The following PPFIA2 variants were observed in gnomAD, a reference collection of about 807,000 sequenced individuals.
The protein encoded by PPFIA2 is PPFI scaffold protein A2, also known as liprin-alpha-2.
A neutral mutation model predicts 175.5 loss-of-function variants in PPFIA2; 46 were observed. The ratio of observed to expected loss-of-function variants is 0.26; its 90% CI spans 0.21 to 0.34. The LOEUF is 0.34. Among genes scored for constraint, PPFIA2 ranks in the 10% least tolerant of loss-of-function variants. The probability of loss-of-function intolerance (pLI) is 1.00; values close to 1 mark genes in which losing one functional copy is unlikely to be tolerated. For missense variants in PPFIA2, 1,179 were observed against 1,506.1 expected (o/e 0.78, Z 3.60); for synonymous variants, 568 against 511.4 (o/e 1.11, Z -1.49).
intron 22 of PPFIA2, among the ~76,000 whole-genome samples, chr12:81,309,978 A>G (rs1423747405): frequency 6.6e-6 from 1 of 152,058 alleles, no homozygotes; most frequent in Non-Finnish European, 1.5e-5. Flanking sequence ...TTTGCAAGAC[A>G]CCATAGTCTG....
At chr12:81,288,097 G>T (rs1296963205) in intron 24 of PPFIA2, among the ~76,000 whole-genome samples, 12 of 151,840 alleles carry the variant, frequency 7.9e-5, no homozygotes, top group Admixed American at 7.9e-4. Context: ...AGGGGCTTGA[G>T]TTATACAGTA....
At chr12:81,658,732 G>A (rs114574312) in intron 4 of PPFIA2, among the ~76,000 whole-genome samples, 1,816 of 151,736 alleles carry the variant, frequency 0.012, 41 homozygotes, top group African/African-American at 0.041. Flanking sequence ...ATATGTTTAA[G>A]GGTTGTATAT....
chr12:81,514,382 T>C (rs1371019375), intron 4 of PPFIA2, among the ~76,000 whole-genome samples: 1 of 152,098 alleles, frequency 6.6e-6, no homozygotes, highest in Non-Finnish European at 1.5e-5. Context: ...TCTATCATAG[T>C]GCAATTCACA....
intron 3 of PPFIA2, among the ~76,000 whole-genome samples, chr12:81,695,010 G>C (rs961539297): frequency 6.6e-6 from 1 of 152,130 alleles, no homozygotes; most frequent in East Asian, 1.9e-4. Flanking sequence ...CCTTATTGGA[G>C]TATGTTTGCC....
At chr12:81,282,331 A>T (rs1271513151) in intron 26 of PPFIA2, among the ~76,000 whole-genome samples, 6 of 152,032 alleles carry the variant, frequency 3.9e-5, no homozygotes, top group Non-Finnish European at 8.8e-5. Flanking sequence ...TGAAATTTTT[A>T]TCAAAATCAA....
chr12:81,322,995 G>A (rs1280560445), intron 22 of PPFIA2, among the ~76,000 whole-genome samples: 41 of 152,174 alleles, frequency 2.7e-4, no homozygotes, highest in Admixed American at 2.7e-3. Context: ...TGGATGGTAA[G>A]TGTGCCTCAA....
chr12:81,572,894 G>A (rs911844646), intron 4 of PPFIA2, among the ~76,000 whole-genome samples: 2 of 151,868 alleles, frequency 1.3e-5, no homozygotes, highest in African/African-American at 4.8e-5. Flanking sequence ...AAGGACATAT[G>A]GATCAACTTG....
chr12:81,288,165 G>A (rs1442403233), intron 24 of PPFIA2, among the ~76,000 whole-genome samples: 1 of 151,816 alleles, frequency 6.6e-6, no homozygotes, highest in African/African-American at 2.4e-5. Context: ...TTCAGGTTCT[G>A]CACTTCTTAA....
intron 8 of PPFIA2, among the ~76,000 whole-genome samples, chr12:81,398,012 A>G (rs2041458877): frequency 6.6e-6 from 1 of 151,950 alleles, no homozygotes; most frequent in Non-Finnish European, 1.5e-5. Flanking sequence ...CACTGATTCT[A>G]CATTATGGTG....
intron 4 of PPFIA2, among the ~76,000 whole-genome samples, chr12:81,599,065 A>T (rs2059540453): frequency 6.6e-6 from 1 of 151,980 alleles, no homozygotes. Context: ...TTCTTTTTGT[A>T]TATCTTTAAC....
intron 3 of PPFIA2, among the ~76,000 whole-genome samples, chr12:81,749,445 G>T (rs1279858628): frequency 7.0e-6 from 1 of 143,624 alleles, no homozygotes; most frequent in African/African-American, 2.4e-5. Context: ...AAAAGGTGAT[G>T]AAAACAAATT....
At chr12:81,591,819 G>T (rs1291949821) in intron 4 of PPFIA2, among the ~76,000 whole-genome samples, 1 of 152,132 alleles carries the variant, frequency 6.6e-6, no homozygotes, top group Non-Finnish European at 1.5e-5. Context: ...CAGGGGTGGG[G>T]TCCTCATGGA....
At chr12:81,292,947 G>C (rs1297611730) in intron 24 of PPFIA2, 1 of 151,686 alleles carries the variant, frequency 6.6e-6, no homozygotes, top group Non-Finnish European at 1.5e-5. Flanking sequence ...AATTATATAA[G>C]CCTTTTAAAT....
chr12:81,673,143 C>A (rs913723517), intron 4 of PPFIA2, among the ~76,000 whole-genome samples: 1 of 151,996 alleles, frequency 6.6e-6, no homozygotes, highest in African/African-American at 2.4e-5. Flanking sequence ...CAGGGGTTGT[C>A]TTAAAAATTA....
intron 3 of PPFIA2, among the ~76,000 whole-genome samples, chr12:81,706,873 T>A (rs1197131840): frequency 6.6e-6 from 1 of 152,144 alleles, no homozygotes; most frequent in African/African-American, 2.4e-5. Context: ...ACCGCATATC[T>A]ACAACTATCT....
intron 4 of PPFIA2, among the ~76,000 whole-genome samples, chr12:81,518,551 C>A (rs766418120): frequency 8.6e-5 from 13 of 152,010 alleles, no homozygotes; most frequent in Non-Finnish European, 1.6e-4. Context: ...CTTACTGACA[C>A]CTTCACCTTT....
At chr12:81,585,204 G>A (rs2075139325) in intron 4 of PPFIA2, among the ~76,000 whole-genome samples, 1 of 149,660 alleles carries the variant, frequency 6.7e-6, no homozygotes, top group Non-Finnish European at 1.5e-5. Context: ...GTGAATTGGT[G>A]AGTGAGTGGT....
At chr12:81,281,671 T>C (rs1178936718) in intron 26 of PPFIA2, among the ~76,000 whole-genome samples, 2 of 152,252 alleles carry the variant, frequency 1.3e-5, no homozygotes, top group Non-Finnish European at 2.9e-5. Flanking sequence ...ATTTACTTTG[T>C]ATTCTCAAAA....
intron 4 of PPFIA2, among the ~76,000 whole-genome samples, chr12:81,509,338 A>G (rs1225283984): frequency 6.6e-6 from 1 of 152,176 alleles, no homozygotes; most frequent in Admixed American, 6.5e-5. Context: ...TGATGACAAA[A>G]GACCTTCAAA....
Sources: gnomAD v4.1 joint callset for allele counts (sites outside exome capture counted in the v4.1 genomes callset) on GRCh38, gnomAD v4.1.1 for gene constraint, MANE v1.5 for transcripts, NCBI Gene and HGNC (gene_info 2026-07-23, HGNC 2026-07-21) for gene names.